Variants in CDH3 observed in about 807,000 individuals in gnomAD.
The protein encoded by CDH3 is cadherin 3, also known as cadherin-3.
Under a neutral mutation model 82.0 loss-of-function variants are expected in CDH3, and 54 were observed. The ratio of observed to expected loss-of-function variants is 0.66; its 90% CI spans 0.53 to 0.83. CDH3 has a LOEUF of 0.83. CDH3 is among the 40% of genes least tolerant of loss of function. The probability of loss-of-function intolerance (pLI) is 0.00; values close to 1 mark genes in which losing one functional copy is unlikely to be tolerated. For synonymous variants in CDH3, 446 were observed against 437.9 expected, an observed-to-expected ratio of 1.02 and a Z score of -0.23; for missense variants, 1,054 against 1,084.6, an observed-to-expected ratio of 0.97 and a Z score of 0.40.
In CDH3 at chr16:68,684,786, C is replaced by T. The variant is rs1243064589; in HGVS notation, c.1386C>T (p.Tyr462=). 1.2e-6 allele frequency: 2 copies of T among 1,614,082 alleles called. No homozygotes were observed. Among genetic ancestry groups the T allele is most frequent in the African/African-American group, 1.3e-5 (1 of 74,932 alleles). ...GIPTGEPVCV[Y]TAEDPDKENQ... Reference sequence around the variant, plus strand: ...CCACTGGGGAGCCTGTGTGTGTCTACACTGCAGAAGACCCTGACAAGGAGA... The same window carrying T: ...CCACTGGGGAGCCTGTGTGTGTCTATACTGCAGAAGACCCTGACAAGGAGA... Residue 462 remains tyrosine, a synonymous_variant, in exon 10 of 16, where the codon TAC becomes TAT. Coordinates refer to ENST00000264012, the MANE Select transcript of CDH3 (RefSeq NM_001793.6).
At chr16:68,716,876 A>G (rs1025682064) in intron 1 of CDH3, among the ~76,000 whole-genome samples, 1 of 148,250 alleles carries the variant, frequency 6.7e-6, no homozygotes, top group East Asian at 2.0e-4. Flanking sequence ...GGCACAAGCC[A>G]CCATGCCCAG....
intron 2 of CDH3, among the ~76,000 whole-genome samples, chr16:68,668,324 G>A (rs1193247413): frequency 6.6e-6 from 1 of 152,178 alleles, no homozygotes; most frequent in Non-Finnish European, 1.5e-5. Flanking sequence ...CCATGCTGCA[G>A]TTAGGAACAG....
At chr16:68,650,595 C>T (rs1270011611) in intron 2 of CDH3, among the ~76,000 whole-genome samples, 1 of 152,204 alleles carries the variant, frequency 6.6e-6, no homozygotes, top group Non-Finnish European at 1.5e-5. Context: ...GCCACCACGC[C>T]CGGCCATATT....
chr16:68,661,599 T>G (rs1467258339), intron 2 of CDH3, among the ~76,000 whole-genome samples: 2 of 152,232 alleles, frequency 1.3e-5, no homozygotes. Flanking sequence ...ATCAAACACC[T>G]ACTTTGTACT....
intron 2 of CDH3, among the ~76,000 whole-genome samples, chr16:68,725,693 A>G (rs1962212682): frequency 6.6e-6 from 1 of 152,084 alleles, no homozygotes; most frequent in Non-Finnish European, 1.5e-5. Flanking sequence ...TCAGTTGTAC[A>G]GATAAGGAAA....
Position 68,695,862 on chromosome 16 carries a change from C to T in CDH3, c.2219C>T (p.Pro740Leu), listed in dbSNP as rs200361366. 10 of 1,614,116 alleles carry T rather than the reference C, an allele frequency of 6.2e-6. No homozygotes were observed. The highest frequency in any genetic ancestry group is 4.0e-5 in the African/African-American group (3 of 75,028). Residue 740 changes from proline (P) to leucine (L), a missense_variant, in exon 15 of 16, where the codon CCG becomes CTG. Coordinates refer to ENST00000264012, the MANE Select transcript of CDH3 (RefSeq NM_001793.6). Reference sequence around the variant, plus strand: ...AATGACGTGGCACCAACCATCATCCCGACACCCATGTACCGTCCTCGGCCA... The same window carrying T: ...AATGACGTGGCACCAACCATCATCCTGACACCCATGTACCGTCCTCGGCCA... ...LRNDVAPTII[P>L]TPMYRPRPAN...
intron 2 of CDH3, among the ~76,000 whole-genome samples, chr16:68,658,158 C>T (rs942308047): frequency 6.6e-6 from 1 of 151,672 alleles, no homozygotes; most frequent in African/African-American, 2.4e-5. Flanking sequence ...CCTCAGCACC[C>T]CAAAGTTGGG....
chr16:68,685,647 T>G lies in CDH3; in HGVS notation c.1570+297T>G, dbSNP rs3114401. 0.89 allele frequency among the ~76,000 whole-genome samples: 135,734 copies of G among 152,054 alleles called. 60,862 individuals carry two copies. Among genetic ancestry groups the G allele is most frequent in the African/African-American group, 0.97 (40,203 of 41,522 alleles). On this transcript the variant is annotated intron_variant, in intron 11 of 15. Coordinates refer to ENST00000264012, the MANE Select transcript of CDH3 (RefSeq NM_001793.6). ...ATGGTGAAACCCCGTCTCTACTAAA[T>G]ATACAAAAAATTAGCCGGGTGTGGT...
chr16:68,670,099 C>T (rs1436533651), intron 2 of CDH3, among the ~76,000 whole-genome samples: 1 of 151,924 alleles, frequency 6.6e-6, no homozygotes, highest in Non-Finnish European at 1.5e-5. Flanking sequence ...TGGCGGGCGC[C>T]TGTAGTCCCA....
chr16:68,684,067 CA>C (rs33992366), intron 9 of CDH3, among the ~76,000 whole-genome samples: 28 of 119,744 alleles, frequency 2.3e-4, no homozygotes, highest in Middle Eastern at 4.7e-3. Context: ...ACTCCGTCTC[CA>C]AAAAAAAAAA....
chr16:68,698,430 C>G lies in CDH3; in HGVS notation c.*30C>G, dbSNP rs201353351. 178 of 1,598,904 alleles carry G rather than the reference C, an allele frequency of 1.1e-4. 1 individual carries two copies. The East Asian group carries it at 3.8e-3, about 34-fold the overall frequency. On this transcript the variant is annotated 3_prime_UTR_variant, in exon 16 of 16. Coordinates refer to ENST00000264012, the MANE Select transcript of CDH3 (RefSeq NM_001793.6). The stretch of plus-strand genomic sequence containing the variant: ...CCTGCCTGCAGGGCTGGGGACCAAA[C>G]GTCAGGCCACAGAGCATCTCCAAGG...
At chr16:68,718,083 C>T (rs1165919984) in intron 1 of CDH3, among the ~76,000 whole-genome samples, 3 of 152,086 alleles carry the variant, frequency 2.0e-5, no homozygotes, top group Admixed American at 2.0e-4. Flanking sequence ...AATCATGGCT[C>T]ACTGCAATCT....
At position 68,687,644 on chromosome 16, in the gene CDH3, C is replaced by T. The variant is rs149493245; in HGVS notation, c.1703C>T (p.Thr568Met). 6.9e-5 allele frequency: 112 copies of T among 1,614,070 alleles called. No homozygotes were observed. Among genetic ancestry groups the T allele is most frequent in the Non-Finnish European group, 4.8e-5 (57 of 1,179,976 alleles). Residue 568 changes from threonine to methionine, a missense_variant, in exon 12 of 16, where the codon ACG becomes ATG. By Grantham distance (81) the Thr-to-Met change is moderately conservative (BLOSUM62 -1). Transcript: ENST00000264012. ...QSPVRQVLNITDKDLSPHTSP... is the reference protein window; with the variant it reads ...QSPVRQVLNIMDKDLSPHTSP... ...CCTGTGCGCCAGGTGCTGAACATCACGGACAAGGACCTGTCTCCCCACACC... is the reference window on the plus strand; with the variant it reads ...CCTGTGCGCCAGGTGCTGAACATCATGGACAAGGACCTGTCTCCCCACACC...
chr16:68,677,708 A>G (rs1009011391), intron 3 of CDH3, among the ~76,000 whole-genome samples: 3 of 152,250 alleles, frequency 2.0e-5, no homozygotes, highest in African/African-American at 7.2e-5. Context: ...ACTGCACTCC[A>G]GCCTGGGTGG....
intron 2 of CDH3, among the ~76,000 whole-genome samples, chr16:68,664,948 C>T (rs975677037): frequency 6.6e-6 from 1 of 152,124 alleles, no homozygotes; most frequent in African/African-American, 2.4e-5. Flanking sequence ...CTGTGCCTAG[C>T]TGCATGGCAT....
At chr16:68,703,817 C>T (rs867359089), downstream of CDH3, among the ~76,000 whole-genome samples, 4 of 151,984 alleles carry the variant, frequency 2.6e-5, no homozygotes, top group South Asian at 2.1e-4. Flanking sequence ...CATGGTGGTG[C>T]GTGCCTGTAA....
chr16:68,714,787 CAGG>C (rs1962072947), intron 1 of CDH3, among the ~76,000 whole-genome samples: 1 of 152,144 alleles, frequency 6.6e-6, no homozygotes, highest in Non-Finnish European at 1.5e-5. Flanking sequence ...GAAGCGGAGG[CAGG>C]AGGATTGCTT....
chr16:68,713,376 T>TTAGACA (rs1962054967), intron 1 of CDH3, among the ~76,000 whole-genome samples: 2 of 152,012 alleles, frequency 1.3e-5, no homozygotes, highest in Non-Finnish European at 2.9e-5. Flanking sequence ...AAGTTTATTT[T>TTAGACA]TCCAGGGATT....
At chr16:68,724,026 G>A (rs1275567303) in intron 2 of CDH3, among the ~76,000 whole-genome samples, 4 of 150,126 alleles carry the variant, frequency 2.7e-5, no homozygotes, top group African/African-American at 7.4e-5. Flanking sequence ...CCGAGATCGG[G>A]CCACTGCACT....
Sources: allele counts gnomAD v4.1 joint callset (sites outside exome capture counted in the v4.1 genomes callset), GRCh38; gene constraint gnomAD v4.1.1; transcripts MANE v1.5; gene names NCBI Gene and HGNC (gene_info 2026-07-23, HGNC 2026-07-21).